NFATC4: variants seen among roughly 807,000 people sequenced by gnomAD.
NFATC4 encodes nuclear factor of activated T cells 4.
Under a neutral mutation model 73.4 loss-of-function variants are expected in NFATC4, and 25 were observed. The observed-to-expected ratio is 0.34, with a 90% CI of 0.25 to 0.48. The LOEUF (loss-of-function observed/expected upper bound fraction) is 0.48. Ranked by LOEUF, NFATC4 falls within the 20% of genes least tolerant of loss-of-function variation. NFATC4 has a pLI of 0.99. For missense variants in NFATC4, 1,130 were observed against 1,203.7 expected, an observed-to-expected ratio of 0.94 and a Z score of 0.91; for synonymous variants, 523 against 510.3, an observed-to-expected ratio of 1.02 and a Z score of -0.34.
At position 24,376,140 on chromosome 14, in the gene NFATC4, A is replaced by G. The variant is rs778119234; in HGVS notation, c.2056+39A>G. ...CAGCCCATGGTGGGGGTATAGGGAT[A>G]TGGGGAGCTGGAGCAGGAGCAGAGG... On this transcript the variant is annotated intron_variant, in intron 8 of 9. Transcript: ENST00000250373. This position sits in a 1 kb window ranked among gnomAD's most constrained non-coding sequence, Gnocchi z 5.0. 6 of 1,613,122 alleles carry G rather than the reference A, an allele frequency of 3.7e-6. No individual in the cohort carries two copies. The highest frequency in any genetic ancestry group is 5.1e-6 in the Non-Finnish European group (6 of 1,179,414).
At chr14:24,374,845 C>T in intron 6 of NFATC4, 1 of 164,158 alleles carries the variant, frequency 6.1e-6, no homozygotes. Flanking sequence ...TGTTAGGTGC[C>T]CCAAGATGGA....
In NFATC4 at chr14:24,373,152, C is replaced by T. The variant is rs759550103; in HGVS notation, c.1360-19C>T. ...ACGGTGGGGATTTCAATGAGGTGGC[C>T]GCTCTCTCCCTCTGCCAGCTCCTAG... On this transcript the variant is annotated intron_variant, in intron 3 of 9. Transcript: ENST00000250373. The surrounding 1 kb of genome is among the most constrained non-coding windows in gnomAD (Gnocchi z 4.7). 1.9e-5 allele frequency: 30 copies of T among 1,611,192 alleles called. No individual in the cohort carries two copies. Among genetic ancestry groups the T allele is most frequent in the South Asian group, 3.3e-5 (3 of 90,970 alleles).
chr14:24,368,534 G>T, intron 1 of NFATC4, 94 bp downstream of exon 1: 1 of 1,206,898 alleles, frequency 8.3e-7, no homozygotes, highest in South Asian at 4.2e-5. Context: ...CCTAGGGTGG[G>T]GGGTGAGGGA....
At position 24,370,262 on chromosome 14, in the gene NFATC4, C is replaced by T. The variant is rs1361995146; in HGVS notation, c.864C>T (p.Gly288=). Residue 288 remains glycine, a synonymous_variant, in exon 2 of 10, where the codon GGC becomes GGT. Coordinates refer to ENST00000250373, the MANE Select transcript of NFATC4 (RefSeq NM_004554.5). ...SSASPALSRR[G]SLGEEGSEPP... ...CCTCCCCAGCTCTGTCCCGCCGTGG[C>T]AGCCTGGGGGAAGAGGGGTCTGAGC... 1.2e-6 allele frequency: 2 copies of T among 1,612,774 alleles called. No homozygotes were observed. Among genetic ancestry groups the T allele is most frequent in the Admixed American group, 3.3e-5 (2 of 60,008 alleles).
rs1318668005 is a variant in NFATC4 at position 24,378,994 on chromosome 14, G to C, written c.*1289G>C. The C allele has an allele frequency of 6.6e-6, 1 of 152,266 alleles. No individual in the cohort carries two copies. Among genetic ancestry groups the C allele is most frequent in the Non-Finnish European group, 1.5e-5 (1 of 68,102 alleles). 9.4% of individuals were successfully genotyped at this position (152,266 alleles called of 1,614,324 possible). A position where few individuals can be genotyped will look rare whatever the true frequency, so the allele number is the denominator to read the frequency against. ...ATTTGGCTAGGCTTGGCTGCAGGGG[G>C]ACGTGCCTAAAAGACATTCCGGGCA... On this transcript the variant is annotated 3_prime_UTR_variant, in exon 10 of 10. Transcript: ENST00000250373.
Position 24,376,189 on chromosome 14 carries a change from C to G in NFATC4, c.2056+88C>G. On this transcript the variant is annotated intron_variant, in intron 8 of 9. Transcript: ENST00000250373. This position sits in a 1 kb window ranked among gnomAD's most constrained non-coding sequence, Gnocchi z 5.0. ...GGGAAGCAGTACTCATCATGAGGGG[C>G]CAAGGGGTGAATGGAACCTGGGAGG... The G allele has an allele frequency of 1.3e-6, 2 of 1,593,036 alleles. No individual in the cohort carries two copies. Among genetic ancestry groups the G allele is most frequent in the Non-Finnish European group, 1.7e-6 (2 of 1,167,662 alleles).
Position 24,372,576 on chromosome 14 carries a change from T to C in NFATC4, c.1332T>C (p.Ala444=), listed in dbSNP as rs1225911513. Residue 444 remains alanine, a synonymous_variant, in exon 3 of 10, where the codon GCT becomes GCC. Transcript: ENST00000250373. Reference sequence around the variant, plus strand: ...AAGGCAGCCGTGGAGCTGTCAAAGCTGCCCCTGGCGGTCACCCCGTAGTCA... The same window carrying C: ...AAGGCAGCCGTGGAGCTGTCAAAGCCGCCCCTGGCGGTCACCCCGTAGTCA... ...ETEGSRGAVK[A]APGGHPVVKL... is the part of the protein sequence containing the mutation. 26 of 1,613,936 alleles carry C rather than the reference T, an allele frequency of 1.6e-5. No individual in the cohort carries two copies. The highest frequency in any genetic ancestry group is 2.2e-5 in the Non-Finnish European group (26 of 1,180,060).
upstream of NFATC4, chr14:24,367,455 A>G: frequency 1.3e-6 from 2 of 1,535,784 alleles, no homozygotes; most frequent in South Asian, 1.2e-5. Flanking sequence ...GGCAGCGGCA[A>G]AGCCTGGCCT....
chr14:24,376,050 T>A lies in NFATC4; in HGVS notation c.2005T>A (p.Ser669Thr). 2 of 1,613,964 alleles carry A rather than the reference T, an allele frequency of 1.2e-6. No individual in the cohort carries two copies. Among genetic ancestry groups the A allele is most frequent in the South Asian group, 1.1e-5 (1 of 91,068 alleles). The change falls in exon 8 of 10, where the codon TCC becomes ACC. Residue 669 changes from serine to threonine, a missense_variant. Ser to Thr is a moderately conservative substitution (Grantham distance 58). Transcript: ENST00000250373. This position sits in a 1 kb window ranked among gnomAD's most constrained non-coding sequence, Gnocchi z 5.0. ...SRPVQVYFYVSNGRRKRSPTQ... is the reference protein window; with the variant it reads ...SRPVQVYFYVTNGRRKRSPTQ... ...GCCAGTCCAGGTCTACTTTTATGTC[T>A]CCAATGGGCGGAGGAAACGCAGTCC...
rs779970945 is a variant in NFATC4 at position 24,369,708 on chromosome 14, G to A, written c.310G>A (p.Gly104Ser). 1 of 1,610,868 alleles carries A rather than the reference G, an allele frequency of 6.2e-7. No homozygotes were observed. The highest frequency in any genetic ancestry group is 8.5e-7 in the Non-Finnish European group (1 of 1,178,266). The change falls in exon 2 of 10, where the codon GGT (glycine) becomes AGT (serine). Residue 104 changes from glycine to serine, a missense_variant. By Grantham distance (56) the Gly-to-Ser change is moderately conservative (BLOSUM62 0). This residue lies in a region of NFATC4 where 585 missense variants were observed against 574.3 expected (regional missense o/e 1.02). Coordinates refer to ENST00000250373, the MANE Select transcript of NFATC4 (RefSeq NM_004554.5). ...GGGAGGACCAGGAGGGGGTGCTGGG[G>A]GTGCTGGGGGTGGCCGTGTTCTCGA... Reference protein sequence around the residue: ...RLGGPGGGAGGAGGGRVLECP... With the variant: ...RLGGPGGGAGSAGGGRVLECP...
At position 24,373,987 on chromosome 14, in the gene NFATC4, A is replaced by G. The variant is rs760449995; in HGVS notation, c.1732+120A>G. 2.1e-6 allele frequency: 3 copies of G among 1,396,212 alleles called. No individual in the cohort carries two copies. Among genetic ancestry groups the G allele is most frequent in the East Asian group, 5.0e-5 (2 of 40,332 alleles). 86.5% of individuals were successfully genotyped at this position (1,396,212 alleles called of 1,614,324 possible). A position where few individuals can be genotyped will look rare whatever the true frequency, so the allele number is the denominator to read the frequency against. On this transcript the variant is annotated intron_variant, in intron 5 of 9. Coordinates refer to ENST00000250373, the MANE Select transcript of NFATC4 (RefSeq NM_004554.5). The surrounding 1 kb of genome is among the most constrained non-coding windows in gnomAD (Gnocchi z 4.7). ...TGCCCTGTCTGTCCTGGGTAGCTCT[A>G]TAGAGGACTCAGCTTCTTTCTATTC... is the stretch of plus-strand genomic sequence containing the variant.
chr14:24,369,702 G>T lies in NFATC4; in HGVS notation c.304G>T (p.Ala102Ser), dbSNP rs750661193. The change falls in exon 2 of 10, where the codon GCT becomes TCT. Residue 102 changes from alanine to serine, a missense_variant. By Grantham distance (99) the Ala-to-Ser change is moderately conservative. Transcript: ENST00000250373. ...SVRLGGPGGG[A>S]GGAGGGRVLE... ...GAGGCTGGGAGGACCAGGAGGGGGT[G>T]CTGGGGGTGCTGGGGGTGGCCGTGT... The T allele has an allele frequency of 6.2e-7, 1 of 1,609,852 alleles. No individual in the cohort carries two copies. Among genetic ancestry groups the T allele is most frequent in the Non-Finnish European group, 8.5e-7 (1 of 1,177,670 alleles).
At chr14:24,367,457 G>C (rs2042337557), upstream of NFATC4, 3 of 1,535,686 alleles carry the variant, frequency 2.0e-6, no homozygotes, top group Admixed American at 2.0e-5. Flanking sequence ...CAGCGGCAAA[G>C]CCTGGCCTGG....
rs2042701019 is a variant in NFATC4 at position 24,378,927 on chromosome 14, C to T, written c.*1222C>T. On this transcript the variant is annotated 3_prime_UTR_variant, in exon 10 of 10. Transcript: ENST00000250373. ...AAGTCACTTTGTCTGTCTTGTTCAC[C>T]TGGAGCCTGACACACCGTAGGTACT... 1 of 152,250 alleles carries T rather than the reference C, an allele frequency of 6.6e-6. No homozygotes were observed. Among genetic ancestry groups the T allele is most frequent in the African/African-American group, 2.4e-5 (1 of 41,448 alleles). 9.4% of individuals were successfully genotyped at this position (152,250 alleles called of 1,614,324 possible).
chr14:24,374,756 G>A (rs949508444), intron 6 of NFATC4: 7 of 253,962 alleles, frequency 2.8e-5, no homozygotes, highest in African/African-American at 1.3e-4. Flanking sequence ...GGTATATGAG[G>A]AGAAGGGAAG....
chr14:24,374,258 G>A (rs757193536), intron 5 of NFATC4, 68 bp from the exon 6 acceptor site: 1 of 1,545,932 alleles, frequency 6.5e-7, no homozygotes, highest in African/African-American at 1.4e-5. Flanking sequence ...CCCAAAGAGG[G>A]TGGGGACAGA....
At chr14:24,367,262 A>G (rs2042333037), upstream of NFATC4, 1 of 1,602,838 alleles carries the variant, frequency 6.2e-7, no homozygotes, top group African/African-American at 1.3e-5. Context: ...AGGAGGGGGA[A>G]GAGGAGGGGA....
intron 1 of NFATC4, 155 bp from the exon 2 acceptor site, chr14:24,369,344 G>T (rs747383027): frequency 8.8e-6 from 14 of 1,598,080 alleles, no homozygotes; most frequent in African/African-American, 1.3e-5. Flanking sequence ...ATCTTCCCAG[G>T]TCCAACTCTG....
intron 1 of NFATC4, 124 bp downstream of exon 1, chr14:24,368,564 C>A: frequency 1.2e-6 from 1 of 814,594 alleles, no homozygotes; most frequent in Non-Finnish European, 1.5e-6. Flanking sequence ...CGAAGGGAGT[C>A]GGGGGGACTC....
Sources: allele counts gnomAD v4.1 joint callset, GRCh38; gene constraint gnomAD v4.1.1; regional missense constraint gnomAD v4.1.1; non-coding constraint Gnocchi (gnomAD v3.1); transcripts MANE v1.5; gene names NCBI Gene and HGNC (gene_info 2026-07-23, HGNC 2026-07-21).